Variants in BEND2 observed in about 807,000 individuals in gnomAD.
BEND2 encodes BEN domain containing 2.
BEND2 carries 19 observed loss-of-function variants against 43.8 expected under a neutral mutation model. That is an observed-to-expected ratio of 0.43 (90% CI 0.30 to 0.64). BEND2 has a LOEUF of 0.64. BEND2 is among the 30% of genes least tolerant of loss of function. The probability of loss-of-function intolerance (pLI) is 0.11; values close to 1 mark genes in which losing one functional copy is unlikely to be tolerated. For synonymous variants in BEND2, 226 were observed against 210.1 expected, an observed-to-expected ratio of 1.08 and a Z score of -0.66; for missense variants, 544 against 574.0, an observed-to-expected ratio of 0.95 and a Z score of 0.53.
rs1158665367 is a variant in BEND2, at chrX:18,177,695, G to C, written c.1504C>G (p.Pro502Ala). 8.3e-7 allele frequency: 1 copy of C among 1,210,595 alleles called. No homozygotes were observed. The change falls in exon 10 of 14, where the codon CCT becomes GCT. Residue 502 changes from proline to alanine, a missense_variant. Around this residue, in one of 2 missense-constraint regions of BEND2, gnomAD observed 501 missense variants for 501.6 expected, o/e 1.00. Coordinates refer to ENST00000380033, the MANE Select transcript of BEND2 (RefSeq NM_153346.5). ...HLLAVQNMAK[P>A]KQAACYLVRI... ...ACCAAGTAGCAGGCTGCTTGCTTAG[G>C]TTTGGCCATATTTTGTACGGCCAGC...
At chrX:18,179,237 T>G (rs1424231345) in intron 9 of BEND2, among the ~76,000 whole-genome samples, 2 of 96,585 alleles carry the variant, frequency 2.1e-5, no homozygotes, top group African/African-American at 7.6e-5. Context: ...TGGCTCACTA[T>G]AGCCTCAAAC....
chrX:18,187,465 A>G (rs1288300114), intron 8 of BEND2, among the ~76,000 whole-genome samples: 1 of 111,953 alleles, frequency 8.9e-6, no homozygotes. Context: ...ATCTCTATGC[A>G]CCCAACACTG....
chrX:18,216,398 C>G (rs1925674152), intron 2 of BEND2, 123 bp downstream of exon 2: 5 of 592,706 alleles, frequency 8.4e-6, no homozygotes, highest in Non-Finnish European at 1.1e-5. Context: ...GTGGTATTAC[C>G]ATGAAGCTAA....
In BEND2 at chrX:18,201,768, C is replaced by T. The variant is rs762161418; in HGVS notation, c.1033+47G>A. ...TCACCCTCCCAAAGTGCTGGGATTA[C>T]AAGTGTGAGCCACCACGCCCAGCAT... On this transcript the variant is annotated intron_variant, in intron 6 of 13. Coordinates refer to ENST00000380033, the MANE Select transcript of BEND2 (RefSeq NM_153346.5). 9 of 1,164,538 alleles carry T rather than the reference C, an allele frequency of 7.7e-6. No individual in the cohort carries two copies. The African/African-American group carries it at 1.1e-4, about 14-fold the overall frequency.
At chrX:18,215,291 T>C (rs1925642286) in intron 2 of BEND2, among the ~76,000 whole-genome samples, 1 of 112,146 alleles carries the variant, frequency 8.9e-6, no homozygotes, top group South Asian at 3.7e-4. Context: ...TAACTCCCCC[T>C]CACCTCAGTC....
intron 6 of BEND2, among the ~76,000 whole-genome samples, chrX:18,199,634 G>GT (rs35383419): frequency 0.095 from 9,891 of 104,331 alleles, 420 homozygotes; most frequent in African/African-American, 0.13. Context: ...AAAAAGCCTA[G>GT]TTTTTTTTTT....
chrX:18,184,358 T>C (rs1004648437), intron 8 of BEND2, among the ~76,000 whole-genome samples: 2 of 111,726 alleles, frequency 1.8e-5, no homozygotes, highest in African/African-American at 6.5e-5. Flanking sequence ...GATGCACACC[T>C]GTAATCTCAG....
intron 6 of BEND2, among the ~76,000 whole-genome samples, chrX:18,196,322 G>T (rs998994572): frequency 1.8e-5 from 2 of 108,182 alleles, no homozygotes; most frequent in Admixed American, 1.0e-4. Context: ...AAGGAAAGAA[G>T]AGAAAAAAGA....
In BEND2 at chrX:18,165,007, G is replaced by A. The variant is rs199740912; in HGVS notation, c.*2C>T. On this transcript the variant is annotated 3_prime_UTR_variant, in exon 14 of 14. Coordinates refer to ENST00000380033, the MANE Select transcript of BEND2 (RefSeq NM_153346.5). Reference sequence around the variant, plus strand: ...AAAAAAAAAAAGTTTGGCAGCTGCCGTTCAGGTGCTTGGGTCAGTGGCGTC... The same window carrying A: ...AAAAAAAAAAAGTTTGGCAGCTGCCATTCAGGTGCTTGGGTCAGTGGCGTC... 19 of 1,190,562 alleles carry A rather than the reference G, an allele frequency of 1.6e-5. No homozygotes were observed. In the African/African-American group the frequency reaches 1.6e-4, roughly 10 times the overall value.
In BEND2 at chrX:18,213,896, G is replaced by A; in HGVS notation, c.254C>T (p.Thr85Ile). 8.5e-6 allele frequency: 1 copy of A among 118,268 alleles called. No individual in the cohort carries two copies. Among genetic ancestry groups the A allele is most frequent in the Middle Eastern group, 7.1e-4 (1 of 1,410 alleles). The allele number at this position is 118,268 out of a possible 1,213,427, so 9.7% of individuals were successfully genotyped here. A position where few individuals can be genotyped will look rare whatever the true frequency, so the allele number is the denominator to read the frequency against. The part of the protein sequence containing the change: ...LQMSYGSGSV[T>I]QAGVQWHDHS... Reference sequence around the variant, plus strand: ...ATCATGCCACTGCACTCCAGCCTGGGTGACAGAGCCAGACCCTGACTCAAA... The same window carrying A: ...ATCATGCCACTGCACTCCAGCCTGGATGACAGAGCCAGACCCTGACTCAAA... Residue 85 changes from threonine to isoleucine, a missense_variant, in exon 3 of 14, where the codon ACC (threonine) becomes ATC (isoleucine). By Grantham distance (89) the Thr-to-Ile change is moderately conservative (BLOSUM62 -1). Around this residue, in one of 2 missense-constraint regions of BEND2, gnomAD observed 501 missense variants for 501.6 expected, o/e 1.00. Transcript: ENST00000380033.
intron 13 of BEND2, among the ~76,000 whole-genome samples, chrX:18,168,307 C>G (rs749422235): frequency 1.8e-5 from 2 of 111,993 alleles, no homozygotes; most frequent in Non-Finnish European, 3.8e-5. Context: ...GCTTGAAGGC[C>G]CAACCTCTGA....
At chrX:18,197,647 A>G (rs1304349371) in intron 6 of BEND2, among the ~76,000 whole-genome samples, 1 of 111,067 alleles carries the variant, frequency 9.0e-6, no homozygotes, top group Non-Finnish European at 1.9e-5. Flanking sequence ...GTTGTTTTCC[A>G]GCCTGGTTTC....
At chrX:18,181,330 A>G (rs2147399542) in intron 8 of BEND2, among the ~76,000 whole-genome samples, 1 of 111,241 alleles carries the variant, frequency 9.0e-6, no homozygotes, top group East Asian at 2.8e-4. Flanking sequence ...ATCCCAGAGA[A>G]ATGAGAGCTC....
chrX:18,182,439 C>T (rs762516578), intron 8 of BEND2, among the ~76,000 whole-genome samples: 1 of 110,867 alleles, frequency 9.0e-6, no homozygotes, highest in Non-Finnish European at 1.9e-5. Context: ...TTCTTTATAG[C>T]AGTATGAAAA....
intron 13 of BEND2, among the ~76,000 whole-genome samples, chrX:18,168,065 G>A (rs1279653808): frequency 3.6e-5 from 4 of 112,666 alleles, no homozygotes; most frequent in African/African-American, 6.4e-5. Flanking sequence ...AGGCTTAAGA[G>A]GGAAAAGGTT....
At chrX:18,214,718 G>A (rs757109804) in intron 2 of BEND2, among the ~76,000 whole-genome samples, 73 of 101,703 alleles carry the variant, frequency 7.2e-4, no homozygotes, top group African/African-American at 2.6e-3. Flanking sequence ...AGCTGAGGCA[G>A]GAGAGTCACT....
intron 13 of BEND2, among the ~76,000 whole-genome samples, chrX:18,168,153 C>G (rs1184862362): frequency 1.8e-5 from 2 of 112,233 alleles, no homozygotes; most frequent in African/African-American, 6.5e-5. Flanking sequence ...ATGAATGGGA[C>G]ATGTACGATT....
intron 7 of BEND2, among the ~76,000 whole-genome samples, chrX:18,191,730 G>A (rs933312028): frequency 2.7e-5 from 3 of 111,994 alleles, no homozygotes; most frequent in Non-Finnish European, 5.6e-5. Flanking sequence ...GCCTGTGGTA[G>A]AGGATACATG....
intron 9 of BEND2, 133 bp downstream of exon 9, chrX:18,180,377 G>A: frequency 1.0e-6 from 1 of 965,521 alleles, no homozygotes; most frequent in Non-Finnish European, 1.4e-6. Context: ...ATAAATGTTA[G>A]TCATGGTTCT....
Sources: gnomAD v4.1 joint callset for allele counts (sites outside exome capture counted in the v4.1 genomes callset) on GRCh38, gnomAD v4.1.1 for gene constraint, gnomAD v4.1.1 regional missense constraint, MANE v1.5 for transcripts, NCBI Gene and HGNC (gene_info 2026-07-23, HGNC 2026-07-21) for gene names.